The following GPHN variants were observed in gnomAD, a reference collection of about 807,000 sequenced individuals.
The protein encoded by GPHN is gephyrin.
GPHN carries 17 observed loss-of-function variants against 95.5 expected under a neutral mutation model. The observed-to-expected ratio is 0.18, with a 90% CI of 0.12 to 0.27. The LOEUF (loss-of-function observed/expected upper bound fraction) is 0.27, where lower values mean the gene tolerates loss of function less well. Ranked by LOEUF, GPHN falls within the 10% of genes least tolerant of loss-of-function variation. The pLI is 1.00. For synonymous variants in GPHN, 320 were observed against 322.5 expected, an observed-to-expected ratio of 0.99 and a Z score of 0.08; for missense variants, 660 against 978.1, an observed-to-expected ratio of 0.67 and a Z score of 4.34.
At chr14:67,083,944 G>A (rs561571825) in intron 11 of GPHN, among the ~76,000 whole-genome samples, 38 of 152,120 alleles carry the variant, frequency 2.5e-4, no homozygotes, top group Non-Finnish European at 4.1e-4. Flanking sequence ...ATATTTTCTT[G>A]TAGTCATAAT....
At chr14:67,447,983 CCTGAAT>C in the GPHN span, 1 of 152,042 alleles carries the variant, frequency 6.6e-6, no homozygotes, top group South Asian at 2.1e-4. Context: ...ATCTTAGATC[CCTGAAT>C]CACCACTTGG....
At chr14:67,474,237 G>C in the GPHN span, among the ~76,000 whole-genome samples, 1 of 149,152 alleles carries the variant, frequency 6.7e-6, no homozygotes, top group African/African-American at 2.5e-5. Context: ...GGGAGACAGA[G>C]TGAGACTCTG....
At chr14:67,112,042 A>ATTTTCAGGG in intron 15 of GPHN, 123 bp downstream of exon 15, 1 of 765,972 alleles carries the variant, frequency 1.3e-6, no homozygotes. Flanking sequence ...CAGGGCTTTA[A>ATTTTCAGGG]CAAAAAGCAA....
chr14:67,220,309 AG>A, the GPHN span, among the ~76,000 whole-genome samples: 4,889 of 152,178 alleles, frequency 0.032, 97 homozygotes, highest in Non-Finnish European at 0.036. Context: ...TGGGCGTGGT[AG>A]TGCACACCTG....
At chr14:67,044,774 TG>T (rs1270867692) in intron 10 of GPHN, among the ~76,000 whole-genome samples, 1 of 151,836 alleles carries the variant, frequency 6.6e-6, no homozygotes, top group Non-Finnish European at 1.5e-5. Context: ...TCCCTCTCTC[TG>T]TCTCTCTCTC....
At chr14:67,678,521 C>T in the GPHN span, 1 of 705,804 alleles carries the variant, frequency 1.4e-6, no homozygotes. Context: ...CTAGGGATCA[C>T]ATGTTCTCCA....
chr14:66,922,921 G>A lies in GPHN; in HGVS notation c.712G>A (p.Ala238Thr), dbSNP rs758560198. Reference sequence around the variant, plus strand: ...TAGTTCCTCATCACATATAACTGCAGCAGCCATTGCTGCCAAGGTAAGCCT... The same window carrying A: ...TAGTTCCTCATCACATATAACTGCAACAGCCATTGCTGCCAAGGTAAGCCT... ...EDSSSSHITA[A>T]AIAAKKHPFY... is the part of the protein sequence containing the mutation. The change falls in exon 7 of 23, where the codon GCA becomes ACA. Residue 238 changes from alanine (A) to threonine (T), a missense_variant. This residue lies in a region of GPHN where 190 missense variants were observed against 224.7 expected (regional missense o/e 0.85). Transcript: ENST00000478722. The A allele has an allele frequency of 1.2e-6, 2 of 1,612,152 alleles. No individual in the cohort carries two copies. The highest frequency in any genetic ancestry group is 1.7e-6 in the Non-Finnish European group (2 of 1,179,750).
At chr14:66,858,086 G>C (rs2062871223) in intron 4 of GPHN, among the ~76,000 whole-genome samples, 1 of 152,202 alleles carries the variant, frequency 6.6e-6, no homozygotes, top group Admixed American at 6.5e-5. Context: ...TTGAAAGGCA[G>C]TCTGCGCTCC....
the GPHN span, among the ~76,000 whole-genome samples, chr14:67,679,982 C>A: frequency 2.0e-5 from 3 of 152,300 alleles, no homozygotes; most frequent in Middle Eastern, 6.8e-3. Context: ...AAACTCTTAA[C>A]ACTATGTCAA....
chr14:67,080,331 T>A (rs1389992127), intron 11 of GPHN, among the ~76,000 whole-genome samples: 2 of 152,120 alleles, frequency 1.3e-5, no homozygotes, highest in Non-Finnish European at 2.9e-5. Context: ...GATATATGAT[T>A]TGCAATTATT....
At chr14:66,875,400 CATA>C (rs2063610803) in intron 4 of GPHN, among the ~76,000 whole-genome samples, 3 of 152,198 alleles carry the variant, frequency 2.0e-5, no homozygotes, top group Non-Finnish European at 4.4e-5. Context: ...CAAATTCACA[CATA>C]ACAATGTTAA....
chr14:66,764,041 T>C (rs1243499353), intron 2 of GPHN, among the ~76,000 whole-genome samples: 1 of 152,188 alleles, frequency 6.6e-6, no homozygotes, highest in Non-Finnish European at 1.5e-5. Context: ...CCCACTGATT[T>C]TACATTGTGA....
intron 21 of GPHN, among the ~76,000 whole-genome samples, chr14:67,170,477 G>A (rs1470431987): frequency 1.3e-5 from 2 of 152,052 alleles, no homozygotes; most frequent in African/African-American, 4.8e-5. Flanking sequence ...AGAGAAAGAA[G>A]GCTTCCCTTT....
intron 9 of GPHN, among the ~76,000 whole-genome samples, chr14:67,003,842 C>G (rs1192189231): frequency 6.6e-6 from 1 of 151,576 alleles, no homozygotes; most frequent in Non-Finnish European, 1.5e-5. Flanking sequence ...TTCTTCATAT[C>G]TTGTAAACAA....
chr14:66,683,329 AATATAT>A (rs59011754), intron 2 of GPHN, among the ~76,000 whole-genome samples: 9 of 7,922 alleles, frequency 1.1e-3, no homozygotes, highest in Admixed American at 3.5e-3. Flanking sequence ...CCAATGTGGA[AATATAT>A]ATATATATAT....
At chr14:67,626,839 A>ATT in the GPHN span, among the ~76,000 whole-genome samples, 2 of 152,238 alleles carry the variant, frequency 1.3e-5, no homozygotes, top group South Asian at 4.1e-4. Context: ...CATTAATTGA[A>ATT]TAGGGGAGGA....
At chr14:66,710,414 A>C (rs2069506086) in intron 2 of GPHN, among the ~76,000 whole-genome samples, 1 of 152,188 alleles carries the variant, frequency 6.6e-6, no homozygotes, top group Non-Finnish European at 1.5e-5. Context: ...TCTATGCATC[A>C]TCATATTTCA....
chr14:67,112,881 T>C, intron 15 of GPHN, 137 bp from the exon 16 acceptor site: 1 of 729,538 alleles, frequency 1.4e-6, no homozygotes, highest in East Asian at 2.7e-5. Flanking sequence ...ATCCCTTCAA[T>C]TCATTGTTTT....
chr14:67,478,207 T>G, the GPHN span, among the ~76,000 whole-genome samples: 1 of 152,354 alleles, frequency 6.6e-6, no homozygotes, highest in South Asian at 2.1e-4. Context: ...GGGCATATTC[T>G]TCTCATGGCA....
Sources: gnomAD v4.1 joint callset for allele counts (sites outside exome capture counted in the v4.1 genomes callset) on GRCh38, gnomAD v4.1.1 for gene constraint, gnomAD v4.1.1 regional missense constraint, MANE v1.5 for transcripts, NCBI Gene and HGNC (gene_info 2026-07-23, HGNC 2026-07-21) for gene names.